Variants in ZNF48 observed in about 807,000 individuals in gnomAD.
ZNF48 encodes zinc finger protein 553.
Under a neutral mutation model 40.0 loss-of-function variants are expected in ZNF48, and 20 were observed. The observed-to-expected ratio is 0.50, with a 90% CI of 0.35 to 0.73. The LOEUF is 0.73. Ranked by LOEUF, ZNF48 falls within the 30% of genes least tolerant of loss-of-function variation. ZNF48 has a pLI of 0.01. For missense variants in ZNF48, 726 were observed against 851.9 expected (o/e 0.85, Z 1.84); for synonymous variants, 298 against 329.7 (o/e 0.90, Z 1.04).
chr16:30,398,721 A>T lies in ZNF48; in HGVS notation c.1471A>T (p.Ser491Cys). Residue 491 changes from serine to cysteine, a missense_variant, in exon 3 of 3, where the codon AGC becomes TGC. By Grantham distance (112) the Ser-to-Cys change is moderately radical. Coordinates refer to ENST00000613509, the MANE Select transcript of ZNF48 (RefSeq NM_001214909.2). This position sits in a 1 kb window ranked among gnomAD's most constrained non-coding sequence, Gnocchi z 6.6. ...TGAATGCGGCAAGGGTTTTGCTGAC[A>T]GCTCAGCCCGAGTCAAGCACCTCCG... ...CPECGKGFAD[S>C]SARVKHLRTH... The T allele has an allele frequency of 6.2e-7, 1 of 1,613,752 alleles. No homozygotes were observed. The highest frequency in any genetic ancestry group is 8.5e-7 in the Non-Finnish European group (1 of 1,179,982).
intron 1 of ZNF48, chr16:30,379,685 A>G: frequency 1.9e-6 from 1 of 533,840 alleles, no homozygotes; most frequent in Non-Finnish European, 3.1e-6. Flanking sequence ...GTCTCACTCC[A>G]TTGCCCAGGC....
upstream of ZNF48, among the ~76,000 whole-genome samples, chr16:30,390,559 C>A (rs1311930313): frequency 1.3e-5 from 2 of 148,442 alleles, no homozygotes; most frequent in African/African-American, 4.9e-5. Context: ...CAGGCACCTG[C>A]CACCACGCCC....
At chr16:30,379,008 C>G (rs1288500922) in intron 1 of ZNF48, 1 of 1,611,442 alleles carries the variant, frequency 6.2e-7, no homozygotes, top group East Asian at 2.2e-5. Flanking sequence ...CTGTCCGCCC[C>G]GGGTCTCACC....
chr16:30,379,640 C>CTTTTTTTTT (rs71149011), intron 1 of ZNF48: 3,146 of 238,774 alleles, frequency 0.013, 287 homozygotes, highest in African/African-American at 0.017. Context: ...GCCCCTTCCT[C>CTTTTTTTTT]TTTTTTTTTT....
intron 1 of ZNF48, chr16:30,378,874 G>A (rs1480157962): frequency 2.7e-6 from 2 of 748,136 alleles, no homozygotes; most frequent in East Asian, 5.5e-5. Flanking sequence ...GAGAGACGGA[G>A]AGAGGGAGGG....
intron 1 of ZNF48, among the ~76,000 whole-genome samples, chr16:30,390,026 G>A (rs2049931248): frequency 6.6e-6 from 1 of 151,358 alleles, no homozygotes; most frequent in South Asian, 2.1e-4. Flanking sequence ...TCACTATGTT[G>A]GCCAGGCTGG....
intron 1 of ZNF48, among the ~76,000 whole-genome samples, chr16:30,384,385 GGGCATGGT>G (rs1396034438): frequency 6.7e-6 from 1 of 150,144 alleles, no homozygotes; most frequent in Non-Finnish European, 1.5e-5. Flanking sequence ...AAAATTAGCT[GGGCATGGT>G]GGCATTGCCT....
At chr16:30,386,566 A>C (rs1431837648) in intron 1 of ZNF48, among the ~76,000 whole-genome samples, 4 of 151,782 alleles carry the variant, frequency 2.6e-5, no homozygotes, top group Non-Finnish European at 5.9e-5. Flanking sequence ...CCAGCTACTC[A>C]GAAGGCTGAG....
intron 1 of ZNF48, among the ~76,000 whole-genome samples, chr16:30,387,447 C>T (rs1374137054): frequency 6.8e-6 from 1 of 147,300 alleles, no homozygotes; most frequent in African/African-American, 2.4e-5. Context: ...CCCAGATATT[C>T]GGGAGGCTGA....
At chr16:30,387,977 T>G (rs2049914388) in intron 1 of ZNF48, among the ~76,000 whole-genome samples, 2 of 151,054 alleles carry the variant, frequency 1.3e-5, no homozygotes, top group African/African-American at 4.9e-5. Context: ...TTTTTTTTTC[T>G]TTTTTGGAGA....
intron 1 of ZNF48, among the ~76,000 whole-genome samples, chr16:30,388,926 T>C (rs541747398): frequency 1.5e-4 from 22 of 149,250 alleles, no homozygotes; most frequent in Non-Finnish European, 3.1e-4. Flanking sequence ...TAAATAAAAA[T>C]AAAAACAAAA....
At chr16:30,396,031 G>A (rs2049982183) in intron 2 of ZNF48, 158 bp downstream of exon 2, 1 of 679,094 alleles carries the variant, frequency 1.5e-6, no homozygotes, top group African/African-American at 1.9e-5. Flanking sequence ...TGTGCGCCAG[G>A]CCGGGAGGGG....
At chr16:30,384,489 A>C (rs1039250663) in intron 1 of ZNF48, among the ~76,000 whole-genome samples, 1 of 152,164 alleles carries the variant, frequency 6.6e-6, no homozygotes, top group Non-Finnish European at 1.5e-5. Context: ...GTGCCACTGC[A>C]CTCCAGCCTG....
rs1195009021 is a variant in ZNF48, at chr16:30,400,018, G to C, written c.*911G>C. On this transcript the variant is annotated 3_prime_UTR_variant, in exon 3 of 3. Transcript: ENST00000613509. ...TACACACAGGCATGAAAAAGGTGGA[G>C]AGGGGTCTCTGCGCGCAAAACTCAG... 1 of 152,274 alleles carries C rather than the reference G, an allele frequency of 6.6e-6. No homozygotes were observed. The highest frequency in any genetic ancestry group is 2.4e-5 in the African/African-American group (1 of 41,454). The allele number at this position is 152,274 out of a possible 1,614,324, so 9.4% of individuals were successfully genotyped here.
rs2049863052 is a variant in ZNF48, at chr16:30,382,400, C to T, written c.-16+3990C>T. On this transcript the variant is annotated intron_variant, in intron 1 of 2. Coordinates refer to the ZNF48 transcript ENST00000528032. This position sits in a 1 kb window ranked among gnomAD's most constrained non-coding sequence, Gnocchi z 4.8. Reference sequence around the variant, plus strand: ...GGGGTGGACAATATGAGGCTGCTGGCAATGGCAGGCAGGGTCCCCAGGATC... The same window carrying T: ...GGGGTGGACAATATGAGGCTGCTGGTAATGGCAGGCAGGGTCCCCAGGATC... 6.3e-7 allele frequency: 1 copy of T among 1,580,978 alleles called. No homozygotes were observed. Among genetic ancestry groups the T allele is most frequent in the Non-Finnish European group, 8.6e-7 (1 of 1,157,016 alleles).
chr16:30,382,213 G>A lies in ZNF48; in HGVS notation c.-16+3803G>A, dbSNP rs1358992716. 9 of 1,612,994 alleles carry A rather than the reference G, an allele frequency of 5.6e-6. No homozygotes were observed. In the Middle Eastern group the frequency reaches 4.9e-4, roughly 88 times the overall value. ...AGAACAGGCCCAACTGGTCAGGGGA[G>A]GGGACAGCCAGGGCCTCCTAAGGAC... is the stretch of plus-strand genomic sequence containing the variant. On this transcript the variant is annotated intron_variant, in intron 1 of 2. Coordinates refer to the ZNF48 transcript ENST00000528032. The surrounding 1 kb of genome is among the most constrained non-coding windows in gnomAD (Gnocchi z 4.8).
chr16:30,386,391 G>C (rs2049900757), intron 1 of ZNF48, among the ~76,000 whole-genome samples: 1 of 150,696 alleles, frequency 6.6e-6, no homozygotes, highest in Non-Finnish European at 1.5e-5. Flanking sequence ...TTTAAATGTG[G>C]GCCGGGAGTG....
upstream of ZNF48, among the ~76,000 whole-genome samples, chr16:30,391,689 G>A (rs1385551542): frequency 6.6e-6 from 1 of 151,276 alleles, no homozygotes; most frequent in African/African-American, 2.4e-5. Flanking sequence ...TAGAGATGGG[G>A]TTTCACCATG....
intron 2 of ZNF48, among the ~76,000 whole-genome samples, chr16:30,396,426 A>G (rs929329185): frequency 6.6e-6 from 1 of 152,004 alleles, no homozygotes; most frequent in African/African-American, 2.4e-5. Flanking sequence ...TAGTTATTCT[A>G]GTTATTCTGC....
Sources: gnomAD v4.1 joint callset for allele counts (sites outside exome capture counted in the v4.1 genomes callset) on GRCh38, gnomAD v4.1.1 for gene constraint, Gnocchi (gnomAD v3.1) non-coding constraint, MANE v1.5 for transcripts, NCBI Gene and HGNC (gene_info 2026-07-23, HGNC 2026-07-21) for gene names.